The following KIAA0319 variants were observed in gnomAD, a reference collection of about 807,000 sequenced individuals.
KIAA0319 encodes the protein dyslexia-associated protein KIAA0319.
A neutral mutation model predicts 108.4 loss-of-function variants in KIAA0319; 83 were observed. That is an observed-to-expected ratio of 0.77 (90% CI 0.64 to 0.92). The LOEUF (loss-of-function observed/expected upper bound fraction) is 0.92, where lower values mean the gene tolerates loss of function less well. Among genes scored for constraint, KIAA0319 ranks in the 40% least tolerant of loss-of-function variants. The probability of loss-of-function intolerance (pLI) is 0.00; values close to 1 mark genes in which losing one functional copy is unlikely to be tolerated. For missense variants in KIAA0319, 1,195 were observed against 1,322.4 expected, an observed-to-expected ratio of 0.90 and a Z score of 1.49; for synonymous variants, 484 against 510.4, an observed-to-expected ratio of 0.95 and a Z score of 0.70.
In KIAA0319 at chr6:24,579,788, C is replaced by A. The variant is rs920328933; in HGVS notation, c.1372+70G>T. 23 of 1,227,812 alleles carry A rather than the reference C, an allele frequency of 1.9e-5. No individual in the cohort carries two copies. The East Asian group carries it at 5.9e-4, about 31-fold the overall frequency. The allele number at this position is 1,227,812 out of a possible 1,614,324, so 76.1% of individuals were successfully genotyped here. A position where few individuals can be genotyped will look rare whatever the true frequency, so the allele number is the denominator to read the frequency against. On this transcript the variant is annotated intron_variant, in intron 8 of 20. Transcript: ENST00000378214. ...CCCATAAGTCCTCCTAGCTTTGATG[C>A]AGAGCACTCATTACATTTCGTAGCA...
intron 19 of KIAA0319, among the ~76,000 whole-genome samples, chr6:24,551,861 G>A (rs1262669480): frequency 1.3e-5 from 2 of 152,144 alleles, no homozygotes; most frequent in Non-Finnish European, 2.9e-5. Flanking sequence ...AGAAAAGCCT[G>A]GATGAGCAAA....
intron 1 of KIAA0319, among the ~76,000 whole-genome samples, chr6:24,626,578 T>C (rs1460242270): frequency 6.6e-6 from 1 of 152,200 alleles, no homozygotes; most frequent in Non-Finnish European, 1.5e-5. Context: ...GTTGGATAAC[T>C]GTGAATATAC....
At chr6:24,565,915 C>T (rs991683544) in intron 14 of KIAA0319, among the ~76,000 whole-genome samples, 1 of 152,160 alleles carries the variant, frequency 6.6e-6, no homozygotes, top group Admixed American at 6.5e-5. Flanking sequence ...AAAGAATCCA[C>T]TTGGACCAAA....
intron 1 of KIAA0319, among the ~76,000 whole-genome samples, chr6:24,607,526 A>G (rs1360234264): frequency 6.6e-6 from 1 of 152,194 alleles, no homozygotes; most frequent in African/African-American, 2.4e-5. Flanking sequence ...TTTATGGACA[A>G]TGCAAATACT....
rs559494603 is a variant in KIAA0319, at chr6:24,559,508, G to A, written c.2592-353C>T. ...ATGTATGAAGTGTTACATCCATGGG[G>A]ATGGAAGCTCCCATGCACAGGACCC... On this transcript the variant is annotated intron_variant, in intron 16 of 20. Transcript: ENST00000378214. Among the ~76,000 whole-genome samples the A allele has an allele frequency of 2.0e-5, 3 of 152,246 alleles. 1 individual carries two copies. The highest frequency in any genetic ancestry group is 4.2e-4 in the South Asian group (2 of 4,818).
chr6:24,628,519 T>C (rs1041539780), intron 1 of KIAA0319, among the ~76,000 whole-genome samples: 3 of 151,800 alleles, frequency 2.0e-5, no homozygotes, highest in Non-Finnish European at 4.4e-5. Flanking sequence ...AGTGCTTTTT[T>C]CTTTCTTTCT....
intron 14 of KIAA0319, 144 bp from the exon 15 acceptor site, chr6:24,564,484 G>C (rs188458126): frequency 4.9e-4 from 490 of 998,846 alleles, no homozygotes; most frequent in Middle Eastern, 3.7e-3. Context: ...AGGCTGGCGG[G>C]ATAGCTAAAG....
downstream of KIAA0319, among the ~76,000 whole-genome samples, chr6:24,543,113 C>T (rs1293141945): frequency 6.6e-6 from 1 of 152,198 alleles, no homozygotes; most frequent in Non-Finnish European, 1.5e-5. Flanking sequence ...CTCTTTCCTT[C>T]AAATTCCTTT....
At chr6:24,585,796 A>G (rs940333932) in intron 4 of KIAA0319, among the ~76,000 whole-genome samples, 6 of 152,184 alleles carry the variant, frequency 3.9e-5, no homozygotes, top group Admixed American at 2.0e-4. Context: ...TAAAATGTAT[A>G]AAACCAAGGT....
At chr6:24,564,578 T>A (rs1329263999) in intron 14 of KIAA0319, among the ~76,000 whole-genome samples, 1 of 152,200 alleles carries the variant, frequency 6.6e-6, no homozygotes, top group Admixed American at 6.5e-5. Context: ...GAACTAAGTT[T>A]ACCAAGCACT....
chr6:24,547,488 G>A, intron 20 of KIAA0319, 145 bp from the exon 21 acceptor site: 1 of 663,090 alleles, frequency 1.5e-6, no homozygotes, highest in East Asian at 2.8e-5. Flanking sequence ...AGGCGGTTTG[G>A]GTTTCCTAGC....
intron 1 of KIAA0319, among the ~76,000 whole-genome samples, chr6:24,606,090 A>G (rs1771361293): frequency 6.6e-6 from 1 of 152,080 alleles, no homozygotes; most frequent in Non-Finnish European, 1.5e-5. Context: ...GCCTGCCACC[A>G]TGCCTGGCTA....
intron 1 of KIAA0319, among the ~76,000 whole-genome samples, chr6:24,622,239 C>G (rs1395073885): frequency 6.7e-6 from 1 of 148,876 alleles, no homozygotes; most frequent in Non-Finnish European, 1.5e-5. Context: ...CGTCAGAAAG[C>G]AGCCAAGTAT....
rs998341906 is a variant in KIAA0319, at chr6:24,563,460, T to C, written c.2490A>G (p.Thr830=). The part of the protein sequence containing the change: ...LTLQVGVGQL[T]EQRKDTLVRQ... ...TCACAAGGGTGTCCTTCCGCTGCTC[T>C]GTCAGCTGCCCAACACCAACCTGCA... Residue 830 remains threonine, a synonymous_variant, in exon 16 of 21, where the codon ACA becomes ACG. Coordinates refer to ENST00000378214, the MANE Select transcript of KIAA0319 (RefSeq NM_014809.4). 2 of 1,613,510 alleles carry C rather than the reference T, an allele frequency of 1.2e-6. No homozygotes were observed. The highest frequency in any genetic ancestry group is 2.7e-5 in the African/African-American group (2 of 74,950).
chr6:24,591,872 T>C (rs1035076219), intron 3 of KIAA0319, among the ~76,000 whole-genome samples: 37 of 152,174 alleles, frequency 2.4e-4, no homozygotes, highest in African/African-American at 8.2e-4. Flanking sequence ...CCTTTGCCCA[T>C]GTTTGAGTTG....
At chr6:24,635,867 A>G (rs534294713) in intron 1 of KIAA0319, among the ~76,000 whole-genome samples, 7 of 152,362 alleles carry the variant, frequency 4.6e-5, no homozygotes. Flanking sequence ...GTTTGTGGCA[A>G]GTTGTTCCGT....
chr6:24,598,126 TC>T (rs1244254600), intron 2 of KIAA0319: 1 of 441,992 alleles, frequency 2.3e-6, no homozygotes, highest in Non-Finnish European at 4.4e-6. Flanking sequence ...CTTGAGCTTC[TC>T]TCGAGTGGGC....
chr6:24,552,384 T>C (rs759009416), intron 19 of KIAA0319, among the ~76,000 whole-genome samples: 1 of 152,200 alleles, frequency 6.6e-6, no homozygotes, highest in Non-Finnish European at 1.5e-5. Context: ...TTCACAGTTA[T>C]CACTACTAGC....
At chr6:24,605,613 C>T (rs62400529) in intron 1 of KIAA0319, among the ~76,000 whole-genome samples, 21,940 of 152,014 alleles carry the variant, frequency 0.14, 1,883 homozygotes, top group South Asian at 0.32. Flanking sequence ...TAAAATAAGC[C>T]TTCACAAGTT....
Sources: gnomAD v4.1 joint callset for allele counts (sites outside exome capture counted in the v4.1 genomes callset) on GRCh38, gnomAD v4.1.1 for gene constraint, MANE v1.5 for transcripts, NCBI Gene and HGNC (gene_info 2026-07-23, HGNC 2026-07-21) for gene names.